TMED3: variants seen among roughly 807,000 people sequenced by gnomAD.
TMED3 encodes transmembrane p24 trafficking protein 3, also known as transmembrane emp24 domain-containing protein 3.
In TMED3, 9 loss-of-function variants were observed where a neutral mutation model predicts 15.0. The ratio of observed to expected loss-of-function variants is 0.60; its 90% CI spans 0.36 to 1.04. The LOEUF is 1.04. TMED3 is among the 50% of genes least tolerant of loss of function. The pLI is 0.01. For missense variants in TMED3, 267 were observed against 278.9 expected (o/e 0.96, Z 0.30); for synonymous variants, 117 against 121.4 (o/e 0.96, Z 0.24).
At chr15:79,406,091 T>C (rs1893899702) in intron 2 of TMED3, among the ~76,000 whole-genome samples, 1 of 152,250 alleles carries the variant, frequency 6.6e-6, no homozygotes, top group South Asian at 2.1e-4. Flanking sequence ...TATTTCGTTT[T>C]TGCGGAAGCC....
Position 79,355,964 on chromosome 15 carries a change from G to A in TMED3, c.417+41959G>A, listed in dbSNP as rs561879093. On this transcript the variant is annotated intron_variant, in intron 2 of 2. Transcript: ENST00000424155. ...TTTAATTTTAGATGTTTCAGCCCAA[G>A]TAAACATCATTATTATAAACTAAAT... Among the ~76,000 whole-genome samples, 48 of 152,324 alleles carry A rather than the reference G, an allele frequency of 3.2e-4. 2 individuals carry two copies. In the South Asian group the frequency reaches 8.1e-3, roughly 26 times the overall value.
Position 79,322,602 on chromosome 15 carries a change from C to A in TMED3, c.*388C>A. 1 of 1,019,200 alleles carries A rather than the reference C, an allele frequency of 9.8e-7. No homozygotes were observed. The allele number at this position is 1,019,200 out of a possible 1,614,324, so 63.1% of individuals were successfully genotyped here. A position where few individuals can be genotyped will look rare whatever the true frequency, so the allele number is the denominator to read the frequency against. ...GCATGGGTCATTTGTCTTGGGTGTC[C>A]TATCCCATATGGAGAAGAAAGGGGC... On this transcript the variant is annotated 3_prime_UTR_variant, in exon 3 of 3. Coordinates refer to ENST00000299705, the MANE Select transcript of TMED3 (RefSeq NM_007364.4).
chr15:79,361,063 A>G (rs1567032593), intron 2 of TMED3, among the ~76,000 whole-genome samples: 1 of 152,074 alleles, frequency 6.6e-6, no homozygotes, highest in Non-Finnish European at 1.5e-5. Context: ...GAGTCTTGCT[A>G]TATTGCCCAG....
intron 2 of TMED3, among the ~76,000 whole-genome samples, chr15:79,386,681 G>A (rs1159426031): frequency 6.6e-6 from 1 of 150,886 alleles, no homozygotes; most frequent in East Asian, 1.9e-4. Context: ...TGGGATTACA[G>A]GTGTGGGCCA....
chr15:79,336,108 A>C (rs1309101690), intron 2 of TMED3, among the ~76,000 whole-genome samples: 1 of 152,204 alleles, frequency 6.6e-6, no homozygotes, highest in Non-Finnish European at 1.5e-5. Flanking sequence ...CCTGATGAAA[A>C]ATTTTGATAA....
At chr15:79,339,203 G>A (rs960610986) in intron 2 of TMED3, among the ~76,000 whole-genome samples, 2 of 152,144 alleles carry the variant, frequency 1.3e-5, no homozygotes, top group Non-Finnish European at 2.9e-5. Flanking sequence ...GGCAGGGAAG[G>A]GCCCCCTGTC....
chr15:79,381,428 A>C (rs953278394), intron 2 of TMED3, among the ~76,000 whole-genome samples: 10 of 152,232 alleles, frequency 6.6e-5, no homozygotes, highest in Admixed American at 5.9e-4. Flanking sequence ...AGAGATGCAC[A>C]CTTAGCAAAA....
intron 1 of TMED3, among the ~76,000 whole-genome samples, chr15:79,311,937 C>A (rs1484289451): frequency 6.6e-6 from 1 of 152,232 alleles, no homozygotes; most frequent in Non-Finnish European, 1.5e-5. Flanking sequence ...GGGATCAGTG[C>A]AGCCATTGAG....
rs531177185 is a variant in TMED3, at chr15:79,358,827, G to A, written c.417+44822G>A. Among the ~76,000 whole-genome samples, 293 of 152,338 alleles carry A rather than the reference G, an allele frequency of 1.9e-3. 4 individuals carry two copies. Among genetic ancestry groups the A allele is most frequent in the African/African-American group, 6.7e-3 (278 of 41,582 alleles). ...GGCCTATTTGCTCCTTGAAGGAAAA[G>A]TTTGCTGTGAACTTCTCAGATAAGT... On this transcript the variant is annotated intron_variant, in intron 2 of 2. Transcript: ENST00000424155.
At position 79,390,485 on chromosome 15, in the gene TMED3, G is replaced by A. The variant is rs139672652; in HGVS notation, c.418-20915G>A. Among the ~76,000 whole-genome samples the A allele has an allele frequency of 4.1e-3, 620 of 152,100 alleles. 1 individual carries two copies. Among genetic ancestry groups the A allele is most frequent in the African/African-American group, 0.014 (582 of 41,514 alleles). ...ATCTTTTTGATATGTTGTTGGATTC[G>A]TTAGCTAGTATTTTGTTAAGGATTT... On this transcript the variant is annotated intron_variant, in intron 2 of 2. Transcript: ENST00000424155.
At chr15:79,345,155 T>G (rs2058865410) in intron 2 of TMED3, among the ~76,000 whole-genome samples, 1 of 152,208 alleles carries the variant, frequency 6.6e-6, no homozygotes. Context: ...TACTTTATTT[T>G]TTATTAACTT....
At chr15:79,321,894 A>T (rs1444184030) in intron 2 of TMED3, 84 bp from the exon 3 acceptor site, 8 of 1,496,312 alleles carry the variant, frequency 5.3e-6, no homozygotes, top group Non-Finnish European at 6.4e-6. Context: ...ATCACCTAGG[A>T]TGTTGACAAC....
At chr15:79,370,623 T>A (rs183305875) in intron 2 of TMED3, among the ~76,000 whole-genome samples, 8 of 152,314 alleles carry the variant, frequency 5.3e-5, no homozygotes, top group African/African-American at 1.7e-4. Context: ...GTTCTGCCAT[T>A]CAGTGTCACA....
At chr15:79,404,919 C>G (rs1218792447) in intron 2 of TMED3, among the ~76,000 whole-genome samples, 2 of 152,206 alleles carry the variant, frequency 1.3e-5, no homozygotes, top group East Asian at 3.9e-4. Context: ...CCTCCTCTAT[C>G]TGTTAATCAT....
At chr15:79,342,721 CATCTT>C (rs2058855938) in intron 2 of TMED3, among the ~76,000 whole-genome samples, 2 of 152,152 alleles carry the variant, frequency 1.3e-5, no homozygotes, top group South Asian at 2.1e-4. Flanking sequence ...AAAGATTAGT[CATCTT>C]AATTAATTAA....
intron 2 of TMED3, among the ~76,000 whole-genome samples, chr15:79,406,399 C>A (rs112662575): frequency 9.8e-5 from 15 of 152,326 alleles, no homozygotes; most frequent in Non-Finnish European, 2.1e-4. Flanking sequence ...AATGGACCCA[C>A]TGTGAGAGAA....
intron 2 of TMED3, among the ~76,000 whole-genome samples, chr15:79,382,191 A>C (rs1319023628): frequency 6.6e-6 from 1 of 152,300 alleles, no homozygotes; most frequent in Non-Finnish European, 1.5e-5. Flanking sequence ...TGTCCTAGGA[A>C]GAGATAGACA....
At chr15:79,342,940 A>G (rs533831270) in intron 2 of TMED3, among the ~76,000 whole-genome samples, 11 of 152,288 alleles carry the variant, frequency 7.2e-5, no homozygotes, top group Admixed American at 3.9e-4. Flanking sequence ...TGTGGGTATA[A>G]AGAGTGAGAT....
chr15:79,393,214 T>G (rs1893719263), intron 2 of TMED3, among the ~76,000 whole-genome samples: 1 of 152,206 alleles, frequency 6.6e-6, no homozygotes, highest in East Asian at 1.9e-4. Flanking sequence ...TCTGCAATTA[T>G]TGGAACTGGA....
Sources: gnomAD v4.1 joint callset for allele counts (sites outside exome capture counted in the v4.1 genomes callset) on GRCh38, gnomAD v4.1.1 for gene constraint, MANE v1.5 for transcripts, NCBI Gene and HGNC (gene_info 2026-07-23, HGNC 2026-07-21) for gene names.